ZDHHC7: variants seen among roughly 807,000 people sequenced by gnomAD.
ZDHHC7 encodes the protein palmitoyltransferase ZDHHC7.
ZDHHC7 carries 12 observed loss-of-function variants against 34.1 expected under a neutral mutation model. The ratio of observed to expected loss-of-function variants is 0.35; its 90% confidence interval spans 0.23 to 0.57. ZDHHC7 has a LOEUF of 0.57. Ranked by LOEUF, ZDHHC7 falls within the 20% of genes least tolerant of loss-of-function variation. The pLI, the probability that ZDHHC7 is intolerant of heterozygous loss-of-function variation, is 0.84. For missense variants in ZDHHC7, 388 were observed against 402.7 expected, an observed-to-expected ratio of 0.96 and a Z score of 0.31; for synonymous variants, 185 against 155.4, an observed-to-expected ratio of 1.19 and a Z score of -1.42.
At chr16:84,985,117 C>A (rs2072419991) in intron 3 of ZDHHC7, among the ~76,000 whole-genome samples, 1 of 152,220 alleles carries the variant, frequency 6.6e-6, no homozygotes, top group African/African-American at 2.4e-5. Context: ...AGGCTCCAGG[C>A]CATGGGATGC....
the ZDHHC7 span, among the ~76,000 whole-genome samples, chr16:85,026,176 G>A: frequency 6.6e-6 from 1 of 152,172 alleles, no homozygotes; most frequent in Admixed American, 6.5e-5. Context: ...GGCAGGTCAG[G>A]ATGGCACAAG....
At chr16:85,002,858 C>T (rs774075415) in intron 1 of ZDHHC7, among the ~76,000 whole-genome samples, 1 of 151,588 alleles carries the variant, frequency 6.6e-6, no homozygotes, top group Admixed American at 6.6e-5. Context: ...AGAGGAGGAG[C>T]GGGGCTGCGG....
chr16:85,006,531 T>G (rs1413936890), intron 1 of ZDHHC7, among the ~76,000 whole-genome samples: 6 of 151,622 alleles, frequency 4.0e-5, no homozygotes, highest in Non-Finnish European at 8.8e-5. Flanking sequence ...CTGAGCAACA[T>G]GGAGTTCAAG....
In ZDHHC7 at chr16:84,993,504, T is replaced by C. The variant is rs138278034; in HGVS notation, c.-18+2418A>G. Among the ~76,000 whole-genome samples, 450 of 151,568 alleles carry C rather than the reference T, an allele frequency of 3.0e-3. 2 individuals are homozygous for C. In the Middle Eastern group the frequency reaches 0.031, roughly 10 times the overall value. ...TGTTTTTTTTTTTTATAGTCAGGCATGGTGGCACACACCTATAGTCCCAGC... is the reference window on the plus strand; with the variant it reads ...TGTTTTTTTTTTTTATAGTCAGGCACGGTGGCACACACCTATAGTCCCAGC... On this transcript the variant is annotated intron_variant, in intron 2 of 7. Coordinates refer to ENST00000313732, the MANE Select transcript of ZDHHC7 (RefSeq NM_017740.3).
chr16:85,010,385 C>T (rs1052069594), intron 1 of ZDHHC7, among the ~76,000 whole-genome samples: 10 of 151,918 alleles, frequency 6.6e-5, no homozygotes, highest in African/African-American at 2.4e-4. Flanking sequence ...TAAAACATAA[C>T]AAAAAAGAGA....
At chr16:85,009,030 A>C (rs2072754627) in intron 1 of ZDHHC7, among the ~76,000 whole-genome samples, 1 of 139,420 alleles carries the variant, frequency 7.2e-6, no homozygotes, top group African/African-American at 3.0e-5. Context: ...GGGCAACAAG[A>C]GCGAAACTCC....
At chr16:85,002,690 G>C (rs1050601845) in intron 1 of ZDHHC7, among the ~76,000 whole-genome samples, 3 of 152,112 alleles carry the variant, frequency 2.0e-5, no homozygotes, top group African/African-American at 7.2e-5. Context: ...TCTGAATCAA[G>C]TGTGAATTTT....
chr16:84,996,609 G>A (rs1055761302), intron 1 of ZDHHC7, among the ~76,000 whole-genome samples: 5 of 152,170 alleles, frequency 3.3e-5, no homozygotes, highest in African/African-American at 1.2e-4. Flanking sequence ...TAAAGACTCT[G>A]CGATGTAGGG....
At chr16:85,026,354 C>G in the ZDHHC7 span, among the ~76,000 whole-genome samples, 2 of 152,210 alleles carry the variant, frequency 1.3e-5, no homozygotes, top group South Asian at 4.2e-4. Context: ...CTGTAGCAAC[C>G]ACGTAAAGGA....
chr16:84,999,995 A>T (rs573688813), intron 1 of ZDHHC7, among the ~76,000 whole-genome samples: 12 of 151,850 alleles, frequency 7.9e-5, no homozygotes, highest in South Asian at 2.1e-4. Context: ...AAAATTTTTT[A>T]AAAATTGGCT....
Position 85,006,187 on chromosome 16 carries a change from T to C in ZDHHC7, c.-104+5099A>G, listed in dbSNP as rs532193768. Among the ~76,000 whole-genome samples, 56 of 151,790 alleles carry C rather than the reference T, an allele frequency of 3.7e-4. 1 individual carries two copies. In the South Asian group the frequency reaches 0.011, roughly 30 times the overall value. The stretch of plus-strand genomic sequence containing the variant: ...GCCTGGGCAACATAGCGAGACCCTA[T>C]CTCTACAAAAAAAATTTTTTAATTA... On this transcript the variant is annotated intron_variant, in intron 1 of 7. Coordinates refer to ENST00000313732, the MANE Select transcript of ZDHHC7 (RefSeq NM_017740.3).
chr16:85,007,779 A>G (rs896549550), intron 1 of ZDHHC7, among the ~76,000 whole-genome samples: 3 of 152,086 alleles, frequency 2.0e-5, no homozygotes, highest in African/African-American at 7.3e-5. Flanking sequence ...TCAATGGCAA[A>G]GCACAGTAGT....
intron 3 of ZDHHC7, among the ~76,000 whole-genome samples, chr16:84,984,904 T>A (rs537587270): frequency 6.6e-6 from 1 of 152,294 alleles, no homozygotes; most frequent in African/African-American, 2.4e-5. Context: ...TCAAAGGGCC[T>A]CGCCAGGATG....
intron 4 of ZDHHC7, among the ~76,000 whole-genome samples, chr16:84,979,962 T>G (rs998099678): frequency 2.1e-5 from 3 of 145,722 alleles, no homozygotes; most frequent in African/African-American, 7.7e-5. Flanking sequence ...TTTTTTTTTT[T>G]TTTTTTTTTT....
chr16:85,000,203 G>A (rs1275029484), intron 1 of ZDHHC7, among the ~76,000 whole-genome samples: 1 of 152,108 alleles, frequency 6.6e-6, no homozygotes, highest in Non-Finnish European at 1.5e-5. Context: ...TTAAAAACAT[G>A]AGCAGGAGAA....
At chr16:85,007,901 T>C (rs1306660989) in intron 1 of ZDHHC7, among the ~76,000 whole-genome samples, 3 of 151,962 alleles carry the variant, frequency 2.0e-5, no homozygotes, top group Admixed American at 6.5e-5. Flanking sequence ...GGCAGGTGGA[T>C]TGCTTGGGCC....
At chr16:84,999,540 G>C (rs1208794254) in intron 1 of ZDHHC7, among the ~76,000 whole-genome samples, 2 of 152,088 alleles carry the variant, frequency 1.3e-5, no homozygotes, top group African/African-American at 4.8e-5. Flanking sequence ...AAAAAAGCAG[G>C]AAAATATTAC....
the ZDHHC7 span, among the ~76,000 whole-genome samples, chr16:85,025,316 C>T: frequency 6.6e-6 from 1 of 151,686 alleles, no homozygotes; most frequent in African/African-American, 2.4e-5. Context: ...CTCAAAGGAG[C>T]AGTGAAGAGT....
At chr16:85,019,150 C>T in the ZDHHC7 span, among the ~76,000 whole-genome samples, 5 of 152,308 alleles carry the variant, frequency 3.3e-5, no homozygotes, top group South Asian at 4.1e-4. Context: ...TTTTCCTCCC[C>T]GGTCCCCCAT....
Sources: gnomAD v4.1 joint callset for allele counts (sites outside exome capture counted in the v4.1 genomes callset) on GRCh38, gnomAD v4.1.1 for gene constraint, MANE v1.5 for transcripts, NCBI Gene and HGNC (gene_info 2026-07-23, HGNC 2026-07-21) for gene names.